Variants in CHST11 observed in about 807,000 individuals in gnomAD.
CHST11 encodes carbohydrate sulfotransferase 11.
A neutral mutation model predicts 30.4 loss-of-function variants in CHST11; 9 were observed. The observed-to-expected ratio is 0.30, with a 90% CI of 0.18 to 0.52. The LOEUF is 0.52. Ranked by LOEUF, CHST11 falls within the 20% of genes least tolerant of loss-of-function variation. The probability of loss-of-function intolerance (pLI) is 0.97; values close to 1 mark genes in which losing one functional copy is unlikely to be tolerated. For synonymous variants in CHST11, 152 were observed against 187.8 expected (o/e 0.81, Z 1.56); for missense variants, 348 against 460.6 (o/e 0.76, Z 2.24).
intron 2 of CHST11, among the ~76,000 whole-genome samples, chr12:104,698,068 T>C (rs1240158179): frequency 6.6e-6 from 1 of 152,228 alleles, no homozygotes; most frequent in Non-Finnish European, 1.5e-5. Flanking sequence ...CAATGTCCCC[T>C]AGTTGAATGC....
At chr12:104,674,154 A>C (rs1474788565) in intron 2 of CHST11, among the ~76,000 whole-genome samples, 4 of 152,070 alleles carry the variant, frequency 2.6e-5, no homozygotes, top group Non-Finnish European at 5.9e-5. Flanking sequence ...GATGTTTGTT[A>C]ATACAGAATC....
intron 1 of CHST11, among the ~76,000 whole-genome samples, chr12:104,523,573 A>G (rs2038094450): frequency 6.6e-6 from 1 of 152,230 alleles, no homozygotes. Context: ...ATTGAACCTT[A>G]GAGAGTGAGC....
chr12:104,466,869 G>A (rs1019934627), intron 1 of CHST11, among the ~76,000 whole-genome samples: 1 of 152,206 alleles, frequency 6.6e-6, no homozygotes. Flanking sequence ...GGATAATTCC[G>A]TTGGCTGACT....
At position 104,573,683 on chromosome 12, in the gene CHST11, T is replaced by A. The variant is rs528334468; in HGVS notation, c.119-28223T>A. The stretch of plus-strand genomic sequence containing the variant: ...TGTAGAAAGCTAAAACTGGATCCCT[T>A]CCTTACACCTTATACAAAAATTAAT... On this transcript the variant is annotated intron_variant, in intron 1 of 2. Transcript: ENST00000303694. Among the ~76,000 whole-genome samples, 5 of 152,326 alleles carry A rather than the reference T, an allele frequency of 3.3e-5. 1 individual carries two copies. In the South Asian group the frequency reaches 1.0e-3, roughly 32 times the overall value.
chr12:104,536,820 C>T (rs1349944555), intron 1 of CHST11, among the ~76,000 whole-genome samples: 1 of 152,160 alleles, frequency 6.6e-6, no homozygotes, highest in African/African-American at 2.4e-5. Context: ...TTTGAAAGAG[C>T]CTCCCTGTCC....
At chr12:104,509,666 T>C (rs2037943720) in intron 1 of CHST11, among the ~76,000 whole-genome samples, 1 of 152,172 alleles carries the variant, frequency 6.6e-6, no homozygotes, top group African/African-American at 2.4e-5. Context: ...ACAACCATGG[T>C]TGCAGAGGTG....
At chr12:104,653,827 A>C (rs2039517487) in intron 2 of CHST11, among the ~76,000 whole-genome samples, 1 of 152,188 alleles carries the variant, frequency 6.6e-6, no homozygotes, top group Non-Finnish European at 1.5e-5. Flanking sequence ...CAGAACCAGG[A>C]TTCAAACCCT....
At chr12:104,750,280 C>T (rs1472244915) in intron 2 of CHST11, among the ~76,000 whole-genome samples, 1 of 152,012 alleles carries the variant, frequency 6.6e-6, no homozygotes, top group Admixed American at 6.6e-5. Flanking sequence ...TCCAAACACC[C>T]TGACCCACAG....
At chr12:104,578,042 A>G (rs1311121636) in intron 1 of CHST11, among the ~76,000 whole-genome samples, 1 of 152,180 alleles carries the variant, frequency 6.6e-6, no homozygotes, top group Non-Finnish European at 1.5e-5. Context: ...TGCCAGTGGA[A>G]TTTTGGTGAA....
intron 2 of CHST11, among the ~76,000 whole-genome samples, chr12:104,727,451 C>A (rs1027067222): frequency 2.6e-5 from 4 of 152,204 alleles, no homozygotes; most frequent in Non-Finnish European, 5.9e-5. Flanking sequence ...GGCTATGGGG[C>A]CAGCAGGAAG....
chr12:104,598,761 C>T (rs2038930196), intron 1 of CHST11, among the ~76,000 whole-genome samples: 1 of 152,208 alleles, frequency 6.6e-6, no homozygotes, highest in Non-Finnish European at 1.5e-5. Context: ...CACTGGGCCC[C>T]TCCTGAGTCG....
At chr12:104,467,999 G>C (rs1476468006) in intron 1 of CHST11, among the ~76,000 whole-genome samples, 1 of 152,194 alleles carries the variant, frequency 6.6e-6, no homozygotes, top group African/African-American at 2.4e-5. Flanking sequence ...GTTAAGCTCT[G>C]TTCTAGGTGT....
At chr12:104,527,685 T>G (rs2038140838) in intron 1 of CHST11, among the ~76,000 whole-genome samples, 1 of 152,254 alleles carries the variant, frequency 6.6e-6, no homozygotes, top group African/African-American at 2.4e-5. Context: ...AGCTACCCGC[T>G]ATGCCCAACT....
At chr12:104,674,269 G>A (rs2039721094) in intron 2 of CHST11, among the ~76,000 whole-genome samples, 1 of 152,138 alleles carries the variant, frequency 6.6e-6, no homozygotes, top group Admixed American at 6.5e-5. Context: ...TCTCTCAGTG[G>A]TCTGTCAGAG....
At chr12:104,745,723 G>C (rs1323654129) in intron 2 of CHST11, among the ~76,000 whole-genome samples, 2 of 152,138 alleles carry the variant, frequency 1.3e-5, no homozygotes, top group Non-Finnish European at 2.9e-5. Flanking sequence ...GTTCATTCCT[G>C]ATTTGGCTCT....
Position 104,757,996 on chromosome 12 carries a change from C to T in CHST11, c.*193C>T, listed in dbSNP as rs1355875772. On this transcript the variant is annotated 3_prime_UTR_variant, in exon 3 of 3. Transcript: ENST00000303694. The surrounding 1 kb of genome is among the most constrained non-coding windows in gnomAD (Gnocchi z 6.5). Reference sequence around the variant, plus strand: ...TCTTTGCAGGGGAAATAGGATGGGTCGTCCTTGTCTGTAGAAGTGAATACT... The same window carrying T: ...TCTTTGCAGGGGAAATAGGATGGGTTGTCCTTGTCTGTAGAAGTGAATACT... 3.2e-6 allele frequency: 2 copies of T among 624,350 alleles called. No individual in the cohort carries two copies. The highest frequency in any genetic ancestry group is 1.8e-5 in the African/African-American group (1 of 54,420). 38.7% of individuals were successfully genotyped at this position (624,350 alleles called of 1,614,324 possible). A position where few individuals can be genotyped will look rare whatever the true frequency, so the allele number is the denominator to read the frequency against.
intron 1 of CHST11, among the ~76,000 whole-genome samples, chr12:104,593,173 C>T (rs906476222): frequency 7.9e-5 from 12 of 152,238 alleles, no homozygotes; most frequent in South Asian, 4.2e-4. Flanking sequence ...ACAGGCTGGG[C>T]GTCGGGAGGG....
intron 2 of CHST11, among the ~76,000 whole-genome samples, chr12:104,675,078 G>A (rs703670): frequency 0.26 from 39,790 of 151,968 alleles, 7,664 homozygotes; most frequent in African/African-American, 0.55. Flanking sequence ...GCTGTGGTCA[G>A]TCTAGTATAG....
intron 2 of CHST11, among the ~76,000 whole-genome samples, chr12:104,611,088 A>G (rs1320649424): frequency 6.6e-6 from 1 of 152,210 alleles, no homozygotes; most frequent in African/African-American, 2.4e-5. Context: ...CTAGCAATAT[A>G]ATATAAGTCA....
Sources: gnomAD v4.1 joint callset for allele counts (sites outside exome capture counted in the v4.1 genomes callset) on GRCh38, gnomAD v4.1.1 for gene constraint, Gnocchi (gnomAD v3.1) non-coding constraint, MANE v1.5 for transcripts, NCBI Gene and HGNC (gene_info 2026-07-23, HGNC 2026-07-21) for gene names.